The following ALX4 variants were observed in gnomAD, a reference collection of about 807,000 sequenced individuals.
ALX4 encodes homeobox protein aristaless-like 4.
A neutral mutation model predicts 40.6 loss-of-function variants in ALX4; 22 were observed. The observed-to-expected ratio is 0.54, with a 90% CI of 0.39 to 0.77. The LOEUF is 0.77. Ranked by LOEUF, ALX4 falls within the 30% of genes least tolerant of loss-of-function variation. The probability of loss-of-function intolerance (pLI) is 0.00; values close to 1 mark genes in which losing one functional copy is unlikely to be tolerated. For missense variants in ALX4, 556 were observed against 564.8 expected (o/e 0.98, Z 0.16); for synonymous variants, 266 against 240.5 (o/e 1.11, Z -0.98).
chr11:44,277,633 G>T (rs1327458031), intron 1 of ALX4, among the ~76,000 whole-genome samples: 2 of 152,224 alleles, frequency 1.3e-5, no homozygotes, highest in Non-Finnish European at 2.9e-5. Context: ...ACTCCATCCA[G>T]ATCCTGAGGG....
intron 3 of ALX4, 124 bp downstream of exon 3, chr11:44,267,370 A>C: frequency 1.5e-6 from 2 of 1,309,694 alleles, no homozygotes; most frequent in Non-Finnish European, 1.1e-6. Context: ...CACCCCTGGA[A>C]TGAGACGGAA....
At chr11:44,293,081 A>G (rs1956379417) in intron 1 of ALX4, among the ~76,000 whole-genome samples, 1 of 146,934 alleles carries the variant, frequency 6.8e-6, no homozygotes, top group African/African-American at 2.5e-5. Flanking sequence ...CCTGGGTGAT[A>G]GTGAGACCCT....
chr11:44,290,101 A>G (rs1363710548), intron 1 of ALX4, among the ~76,000 whole-genome samples: 4 of 152,122 alleles, frequency 2.6e-5, no homozygotes, highest in Admixed American at 1.3e-4. Context: ...CTGTCTGCCC[A>G]TTGTCCCTCT....
chr11:44,280,950 T>C (rs1956306702), intron 1 of ALX4, among the ~76,000 whole-genome samples: 2 of 152,214 alleles, frequency 1.3e-5, no homozygotes, highest in African/African-American at 4.8e-5. Context: ...GCTGTTGGAT[T>C]TCAGCTGGAG....
At chr11:44,301,034 G>T (rs1200951833) in intron 1 of ALX4, among the ~76,000 whole-genome samples, 1 of 152,250 alleles carries the variant, frequency 6.6e-6, no homozygotes, top group East Asian at 1.9e-4. Context: ...GAATTTCAAG[G>T]TCACTTGTCT....
Position 44,265,093 on chromosome 11 carries a change from A to T in ALX4, c.997T>A (p.Ser333Thr). The T allele has an allele frequency of 6.2e-7, 1 of 1,612,692 alleles. No individual in the cohort carries two copies. The highest frequency in any genetic ancestry group is 8.5e-7 in the Non-Finnish European group (1 of 1,179,794). ...VPCDPVPACM[S>T]PHAHPPGSGA... ...GAGCCAGGGGGGTGGGCATGAGGGG[A>T]CATGCAGGCAGGCACCGGGTCGCAG... is the stretch of plus-strand genomic sequence containing the variant. Residue 333 changes from serine (S) to threonine (T), a missense_variant, in exon 4 of 4, where the codon TCC (serine) becomes ACC (threonine). Transcript: ENST00000652299.
chr11:44,293,176 C>CAGGGAGGG (rs1421050733), intron 1 of ALX4, among the ~76,000 whole-genome samples: 2 of 59,486 alleles, frequency 3.4e-5, no homozygotes, highest in Admixed American at 2.5e-4. Context: ...AGGAAGCAGG[C>CAGGGAGGG]AGGCAGGGAG....
At chr11:44,307,753 GTC>G (rs1956477657) in intron 1 of ALX4, among the ~76,000 whole-genome samples, 1 of 152,214 alleles carries the variant, frequency 6.6e-6, no homozygotes, top group Non-Finnish European at 1.5e-5. Context: ...AGGGCTGAGA[GTC>G]TCTGCTGGCT....
At chr11:44,304,644 C>A (rs1344549099) in intron 1 of ALX4, among the ~76,000 whole-genome samples, 1 of 152,224 alleles carries the variant, frequency 6.6e-6, no homozygotes, top group Non-Finnish European at 1.5e-5. Flanking sequence ...AACCTCTCAT[C>A]CCTGGCAGCA....
rs1956178407 is a variant in ALX4, at chr11:44,260,839, G to A, written c.*4015C>T. 1 of 152,088 alleles carries A rather than the reference G, an allele frequency of 6.6e-6. No homozygotes were observed. Among genetic ancestry groups the A allele is most frequent in the African/African-American group, 2.4e-5 (1 of 41,376 alleles). 9.4% of individuals were successfully genotyped at this position (152,088 alleles called of 1,614,324 possible). A position where few individuals can be genotyped will look rare whatever the true frequency, so the allele number is the denominator to read the frequency against. On this transcript the variant is annotated 3_prime_UTR_variant, in exon 4 of 4. Coordinates refer to ENST00000652299, the MANE Select transcript of ALX4 (RefSeq NM_021926.4). ...ATACAGGGTTAAAATATCTTACAAT[G>A]AGAACAATAAGTAACGGTTGAGGTT...
intron 1 of ALX4, among the ~76,000 whole-genome samples, chr11:44,302,856 G>A (rs192083373): frequency 7.5e-4 from 114 of 152,296 alleles, no homozygotes; most frequent in Middle Eastern, 3.4e-3. Context: ...GTGGGGGTGA[G>A]GAGGGAAGAC....
intron 2 of ALX4, among the ~76,000 whole-genome samples, chr11:44,269,300 A>G (rs550234860): frequency 1.2e-4 from 19 of 152,370 alleles, no homozygotes; most frequent in Admixed American, 3.9e-4. Flanking sequence ...TAGATGGGAA[A>G]TGCAGTCCAA....
In ALX4 at chr11:44,309,864, C is replaced by G; in HGVS notation, c.199G>C (p.Gly67Arg). The change falls in exon 1 of 4, where the codon GGC becomes CGC. Residue 67 changes from glycine to arginine, a missense_variant. Transcript: ENST00000652299. ...GTCGCCAGGTCCTGCTGCCCAGCGC[C>G]GTAACGGGCCCGGCTCTTGGCGTCC... ...FGDAKSRARY[G>R]AGQQDLATPL... 6.4e-7 allele frequency: 1 copy of G among 1,565,736 alleles called. No individual in the cohort carries two copies. The highest frequency in any genetic ancestry group is 8.7e-7 in the Non-Finnish European group (1 of 1,154,540).
intron 1 of ALX4, among the ~76,000 whole-genome samples, chr11:44,307,941 T>G (rs1364706774): frequency 6.6e-6 from 1 of 151,946 alleles, no homozygotes; most frequent in Non-Finnish European, 1.5e-5. Flanking sequence ...GGTGTCTGTG[T>G]GTGGAACTGT....
chr11:44,306,736 G>A (rs1301821731), intron 1 of ALX4, among the ~76,000 whole-genome samples: 1 of 152,180 alleles, frequency 6.6e-6, no homozygotes, highest in Non-Finnish European at 1.5e-5. Flanking sequence ...GGAGAGAATC[G>A]TTGTCAATGC....
chr11:44,278,868 G>A (rs1379863177), intron 1 of ALX4, among the ~76,000 whole-genome samples: 1 of 152,190 alleles, frequency 6.6e-6, no homozygotes, highest in Non-Finnish European at 1.5e-5. Flanking sequence ...TGTCAGAGAT[G>A]GAAGGAATTC....
At chr11:44,271,035 C>T (rs893339153) in intron 2 of ALX4, among the ~76,000 whole-genome samples, 4 of 152,190 alleles carry the variant, frequency 2.6e-5, no homozygotes, top group Admixed American at 1.3e-4. Flanking sequence ...TCTTGGGGCC[C>T]CCATTGCCCC....
chr11:44,286,644 T>C (rs1235627838), intron 1 of ALX4, among the ~76,000 whole-genome samples: 1 of 152,206 alleles, frequency 6.6e-6, no homozygotes, highest in African/African-American at 2.4e-5. Context: ...ACTACGCGTC[T>C]GCCACCATTC....
At chr11:44,293,799 G>C (rs1010032428) in intron 1 of ALX4, among the ~76,000 whole-genome samples, 5 of 152,194 alleles carry the variant, frequency 3.3e-5, no homozygotes, top group Non-Finnish European at 7.3e-5. Flanking sequence ...TGTTTAGAAG[G>C]GTTTGTCTCC....
Sources: gnomAD v4.1 joint callset for allele counts (sites outside exome capture counted in the v4.1 genomes callset) on GRCh38, gnomAD v4.1.1 for gene constraint, MANE v1.5 for transcripts, NCBI Gene and HGNC (gene_info 2026-07-23, HGNC 2026-07-21) for gene names.